The following NR3C2 variants were observed in gnomAD, a reference collection of about 807,000 sequenced individuals.
NR3C2 encodes nuclear receptor subfamily 3 group C member 2.
NR3C2 carries 15 observed loss-of-function variants against 86.4 expected under a neutral mutation model. That is an observed-to-expected ratio of 0.17 (90% CI 0.12 to 0.27). NR3C2 has a LOEUF of 0.27. Ranked by LOEUF, NR3C2 falls within the 10% of genes least tolerant of loss-of-function variation. The pLI, the probability that NR3C2 is intolerant of heterozygous loss-of-function variation, is 1.00. For missense variants in NR3C2, 960 were observed against 1,195.6 expected (o/e 0.80, Z 2.91); for synonymous variants, 458 against 450.5 (o/e 1.02, Z -0.21).
At chr4:148,352,121 C>G (rs564719355) in intron 2 of NR3C2, among the ~76,000 whole-genome samples, 1 of 152,242 alleles carries the variant, frequency 6.6e-6, no homozygotes, top group Admixed American at 6.5e-5. Flanking sequence ...CTTCCTTAAA[C>G]AATGAGGATG....
intron 2 of NR3C2, among the ~76,000 whole-genome samples, chr4:148,299,991 C>A (rs1463545105): frequency 6.6e-6 from 1 of 152,138 alleles, no homozygotes; most frequent in Non-Finnish European, 1.5e-5. Context: ...TAAGCTGTAG[C>A]CAATATGGTG....
chr4:148,296,343 A>G lies in NR3C2; in HGVS notation c.1758-36226T>C, dbSNP rs140242422. Reference sequence around the variant, plus strand: ...TAGTCACAATTATTCTTTAAGAACCATAAAATATTTTAGATTGGGAAAAAC... The same window carrying G: ...TAGTCACAATTATTCTTTAAGAACCGTAAAATATTTTAGATTGGGAAAAAC... On this transcript the variant is annotated intron_variant, in intron 2 of 8. Transcript: ENST00000358102. Among the ~76,000 whole-genome samples the G allele has an allele frequency of 2.0e-5, 3 of 152,270 alleles. No homozygotes were observed. In the East Asian group the frequency reaches 5.8e-4, roughly 29 times the overall value.
chr4:148,274,250 A>G (rs1740848095), intron 2 of NR3C2, among the ~76,000 whole-genome samples: 1 of 152,248 alleles, frequency 6.6e-6, no homozygotes, highest in Non-Finnish European at 1.5e-5. Context: ...AAAAATGGCA[A>G]ATAATTTATT....
intron 3 of NR3C2, among the ~76,000 whole-genome samples, chr4:148,205,214 T>C (rs955218816): frequency 6.6e-6 from 1 of 152,212 alleles, no homozygotes; most frequent in Admixed American, 6.5e-5. Flanking sequence ...ATCATAAACT[T>C]CTACCAACAA....
intron 2 of NR3C2, among the ~76,000 whole-genome samples, chr4:148,392,726 T>C (rs6831212): frequency 0.4 from 61,565 of 152,104 alleles, 14,430 homozygotes; most frequent in East Asian, 0.75. Context: ...ATTTTGACCA[T>C]TGTAAAAGTA....
chr4:148,257,028 C>G (rs1739866587), intron 3 of NR3C2, among the ~76,000 whole-genome samples: 1 of 152,112 alleles, frequency 6.6e-6, no homozygotes, highest in Non-Finnish European at 1.5e-5. Flanking sequence ...ACTCAAAACT[C>G]AGGCTGGTGT....
intron 3 of NR3C2, among the ~76,000 whole-genome samples, chr4:148,250,267 T>G (rs1739514529): frequency 1.3e-5 from 2 of 152,152 alleles, no homozygotes; most frequent in East Asian, 1.9e-4. Context: ...GAGCAAAATA[T>G]TACATGAAAA....
At chr4:148,189,434 G>A (rs1025711582) in intron 4 of NR3C2, among the ~76,000 whole-genome samples, 7 of 152,090 alleles carry the variant, frequency 4.6e-5, no homozygotes, top group East Asian at 1.9e-4. Flanking sequence ...TGTTGGATTC[G>A]GTTAGCTAGT....
chr4:148,381,107 A>G (rs1416444492), intron 2 of NR3C2, among the ~76,000 whole-genome samples: 1 of 152,094 alleles, frequency 6.6e-6, no homozygotes, highest in Non-Finnish European at 1.5e-5. Flanking sequence ...ACACGCCTGT[A>G]GTCCCAGCTG....
intron 2 of NR3C2, among the ~76,000 whole-genome samples, chr4:148,287,342 G>A (rs992335610): frequency 1.3e-5 from 2 of 152,162 alleles, no homozygotes; most frequent in Non-Finnish European, 2.9e-5. Flanking sequence ...CAGGTTATTA[G>A]CTTGATGTGC....
At chr4:148,232,852 T>G (rs1396023616) in intron 3 of NR3C2, among the ~76,000 whole-genome samples, 1 of 152,254 alleles carries the variant, frequency 6.6e-6, no homozygotes, top group Non-Finnish European at 1.5e-5. Flanking sequence ...CTGCTTCGCC[T>G]TGCACTTGGA....
intron 2 of NR3C2, among the ~76,000 whole-genome samples, chr4:148,316,759 A>C (rs1743201602): frequency 6.6e-6 from 1 of 152,100 alleles, no homozygotes; most frequent in Non-Finnish European, 1.5e-5. Flanking sequence ...TTAAAAATTA[A>C]ATGCCCTCCA....
chr4:148,301,335 T>C (rs1025442930), intron 2 of NR3C2, among the ~76,000 whole-genome samples: 3 of 152,166 alleles, frequency 2.0e-5, no homozygotes, highest in African/African-American at 7.2e-5. Context: ...TCTTTAATCT[T>C]TGAGAAGTAA....
chr4:148,309,823 T>C (rs1332762890), intron 2 of NR3C2, among the ~76,000 whole-genome samples: 2 of 152,222 alleles, frequency 1.3e-5, no homozygotes, highest in Non-Finnish European at 2.9e-5. Flanking sequence ...CTTAAATTAT[T>C]TGACTCCTTA....
Position 148,243,968 on chromosome 4 carries a change from T to C in NR3C2, c.1897+16010A>G, listed in dbSNP as rs1342900034. Among the ~76,000 whole-genome samples, 3 of 152,176 alleles carry C rather than the reference T, an allele frequency of 2.0e-5. No homozygotes were observed. In the East Asian group the frequency reaches 5.8e-4, roughly 29 times the overall value. On this transcript the variant is annotated intron_variant, in intron 3 of 8. Coordinates refer to ENST00000358102, the MANE Select transcript of NR3C2 (RefSeq NM_000901.5). ...CTATGTACAAAGTTACCAAGACAGGTTGGCTTGAGAGGCAGACAATGGTTT... is the reference window on the plus strand; with the variant it reads ...CTATGTACAAAGTTACCAAGACAGGCTGGCTTGAGAGGCAGACAATGGTTT...
At chr4:148,289,686 TCTAA>T (rs1390979190) in intron 2 of NR3C2, among the ~76,000 whole-genome samples, 1 of 152,186 alleles carries the variant, frequency 6.6e-6, no homozygotes, top group African/African-American at 2.4e-5. Flanking sequence ...GAGATTCATT[TCTAA>T]CTAATAGAAC....
At chr4:148,258,077 T>C (rs1561004321) in intron 3 of NR3C2, among the ~76,000 whole-genome samples, 2 of 152,154 alleles carry the variant, frequency 1.3e-5, no homozygotes, top group African/African-American at 4.8e-5. Flanking sequence ...GCTTCAGAAG[T>C]AGAGAAGGGG....
At chr4:148,189,845 T>C (rs749528258) in intron 4 of NR3C2, among the ~76,000 whole-genome samples, 26 of 152,344 alleles carry the variant, frequency 1.7e-4, no homozygotes, top group Non-Finnish European at 3.1e-4. Context: ...TATAGTAGCC[T>C]TGAATGATCT....
At chr4:148,135,640 T>A (rs951071959) in intron 6 of NR3C2, among the ~76,000 whole-genome samples, 1 of 152,098 alleles carries the variant, frequency 6.6e-6, no homozygotes, top group Admixed American at 6.6e-5. Flanking sequence ...TCTGAGTAAT[T>A]TCTGCAACTG....
Sources: gnomAD v4.1 joint callset for allele counts (sites outside exome capture counted in the v4.1 genomes callset) on GRCh38, gnomAD v4.1.1 for gene constraint, MANE v1.5 for transcripts, NCBI Gene and HGNC (gene_info 2026-07-23, HGNC 2026-07-21) for gene names.